The following MARCO variants were observed in gnomAD, a reference collection of about 807,000 sequenced individuals.
MARCO encodes macrophage receptor with collagenous structure.
A neutral mutation model predicts 70.0 loss-of-function variants in MARCO; 72 were observed. The ratio of observed to expected loss-of-function variants is 1.03; its 90% CI spans 0.85 to 1.25. MARCO has a LOEUF of 1.25. Ranked by LOEUF, MARCO falls within the 50% of genes most tolerant of loss-of-function variation. MARCO has a pLI of 0.00. For synonymous variants in MARCO, 273 were observed against 243.1 expected, an observed-to-expected ratio of 1.12 and a Z score of -1.14; for missense variants, 696 against 659.3, an observed-to-expected ratio of 1.06 and a Z score of -0.61.
chr2:118,945,404 C>CTTTTTTT (rs55684033), intron 1 of MARCO, among the ~76,000 whole-genome samples: 72 of 123,028 alleles, frequency 5.9e-4, no homozygotes, highest in Non-Finnish European at 8.0e-4. Context: ...CCTCTTGTTT[C>CTTTTTTT]TTTTTTTTTT....
intron 6 of MARCO, among the ~76,000 whole-genome samples, chr2:118,976,780 C>T (rs1253072154): frequency 2.6e-5 from 4 of 152,208 alleles, no homozygotes; most frequent in African/African-American, 4.8e-5. Context: ...ACAATTCAAA[C>T]ACACTTGCCT....
At chr2:118,973,540 C>A (rs1680215865) in intron 4 of MARCO, among the ~76,000 whole-genome samples, 1 of 152,336 alleles carries the variant, frequency 6.6e-6, no homozygotes, top group Admixed American at 6.5e-5. Flanking sequence ...CACCCTTTCC[C>A]ACCCAGGGAG....
rs771489689 is a variant in MARCO at position 118,982,332 on chromosome 2, G to T, written c.1001-16G>T. 1.2e-6 allele frequency: 2 copies of T among 1,613,742 alleles called. No individual in the cohort carries two copies. Among genetic ancestry groups the T allele is most frequent in the Non-Finnish European group, 1.7e-6 (2 of 1,179,744 alleles). On this transcript the variant is annotated splice_polypyrimidine_tract_variant and intron_variant, in intron 11 of 16. Transcript: ENST00000327097. ...CTAGTCCAGCCCTTATGCTCTCTGTGGTGTCTGTTGTCCAGGACTTCCAGG... is the reference window on the plus strand; with the variant it reads ...CTAGTCCAGCCCTTATGCTCTCTGTTGTGTCTGTTGTCCAGGACTTCCAGG...
intron 12 of MARCO, 85 bp downstream of exon 12, chr2:118,982,495 C>T (rs756928078): frequency 2.2e-5 from 29 of 1,305,230 alleles, no homozygotes; most frequent in Admixed American, 3.4e-5. Flanking sequence ...CTTAGGCCCA[C>T]GGAGGAGGCA....
At chr2:118,943,217 A>G (rs2104538791) in intron 1 of MARCO, among the ~76,000 whole-genome samples, 1 of 152,330 alleles carries the variant, frequency 6.6e-6, no homozygotes, top group South Asian at 2.1e-4. Flanking sequence ...CTGTCTGCCC[A>G]GGTCCCTGCC....
At chr2:118,985,360 TCACCAAGC>T (rs1680465287) in intron 12 of MARCO, among the ~76,000 whole-genome samples, 1 of 152,064 alleles carries the variant, frequency 6.6e-6, no homozygotes, top group African/African-American at 2.4e-5. Context: ...CCTGGCTTGG[TCACCAAGC>T]CTTTCTACCT....
chr2:118,946,952 T>G (rs909459788), intron 1 of MARCO, among the ~76,000 whole-genome samples: 4 of 152,250 alleles, frequency 2.6e-5, no homozygotes, highest in African/African-American at 9.6e-5. Flanking sequence ...AAATACCATA[T>G]GTATAGCCTC....
At position 118,969,217 on chromosome 2, in the gene MARCO, A is replaced by T. The variant is rs1464129005; in HGVS notation, c.155A>T (p.Tyr52Phe). The T allele has an allele frequency of 6.2e-7, 1 of 1,614,222 alleles. No homozygotes were observed. The highest frequency in any genetic ancestry group is 8.5e-7 in the Non-Finnish European group (1 of 1,180,040). Residue 52 changes from tyrosine (Y) to phenylalanine (F), a missense_variant, in exon 2 of 17, where the codon TAC (tyrosine) becomes TTC (phenylalanine). By Grantham distance (22) the Tyr-to-Phe change is conservative. Around this residue, in one of 3 missense-constraint regions of MARCO, gnomAD observed 605 missense variants for 537.6 expected, o/e 1.13. Transcript: ENST00000327097. ...TTCTCCCTAGCTGTGGTGGTCATCTACCTGATCCTGCTCACCGCTGGCGCT... is the reference window on the plus strand; with the variant it reads ...TTCTCCCTAGCTGTGGTGGTCATCTTCCTGATCCTGCTCACCGCTGGCGCT... ...VNFSLAVVVI[Y>F]LILLTAGAGL...
intron 3 of MARCO, among the ~76,000 whole-genome samples, chr2:118,970,601 G>A (rs894029465): frequency 2.0e-5 from 3 of 152,134 alleles, no homozygotes; most frequent in African/African-American, 7.2e-5. Context: ...CATGAGGTTG[G>A]GGAGAGAGCA....
At chr2:118,989,077 A>G (rs900912717) in intron 12 of MARCO, among the ~76,000 whole-genome samples, 1 of 152,256 alleles carries the variant, frequency 6.6e-6, no homozygotes, top group African/African-American at 2.4e-5. Context: ...CCGGGCTGTC[A>G]GACTTTGGAA....
intron 4 of MARCO, among the ~76,000 whole-genome samples, chr2:118,973,836 C>G (rs971642106): frequency 6.6e-6 from 1 of 152,318 alleles, no homozygotes; most frequent in East Asian, 1.9e-4. Flanking sequence ...TCCTGGACTT[C>G]TTTCCTTCCT....
intron 15 of MARCO, chr2:118,992,878 A>T: frequency 4.1e-6 from 2 of 486,806 alleles, no homozygotes; most frequent in South Asian, 8.1e-5. Flanking sequence ...GGTGTATGCG[A>T]TTTGCAAACC....
intron 1 of MARCO, among the ~76,000 whole-genome samples, chr2:118,954,253 C>G (rs1253107214): frequency 2.0e-5 from 3 of 152,146 alleles, no homozygotes; most frequent in Non-Finnish European, 1.5e-5. Context: ...AAGACTGGCC[C>G]TTTGGTTTGT....
chr2:118,979,112 C>CA (rs1176108275), intron 8 of MARCO, among the ~76,000 whole-genome samples: 1 of 152,072 alleles, frequency 6.6e-6, no homozygotes, highest in African/African-American at 2.4e-5. Flanking sequence ...GAATTCCTTA[C>CA]AAAAAAACTG....
chr2:118,982,311 T>C (rs781276459), intron 11 of MARCO, 37 bp from the exon 12 acceptor site: 1 of 1,613,010 alleles, frequency 6.2e-7, no homozygotes, highest in Admixed American at 1.7e-5. Context: ...ACCTGCCTAG[T>C]CCAGCCCTTA....
chr2:118,946,821 A>G (rs1679610054), intron 1 of MARCO, among the ~76,000 whole-genome samples: 1 of 152,222 alleles, frequency 6.6e-6, no homozygotes, highest in African/African-American at 2.4e-5. Flanking sequence ...CCTCGTCAAC[A>G]TTTGACATTA....
intron 1 of MARCO, among the ~76,000 whole-genome samples, chr2:118,966,805 A>G (rs1008232829): frequency 1.3e-5 from 2 of 152,184 alleles, no homozygotes; most frequent in African/African-American, 2.4e-5. Flanking sequence ...GTGCTGTCCA[A>G]AAACAGTGCT....
chr2:118,983,133 G>A (rs927065897), intron 12 of MARCO, among the ~76,000 whole-genome samples: 1 of 151,970 alleles, frequency 6.6e-6, no homozygotes, highest in Non-Finnish European at 1.5e-5. Context: ...GGGCATTTCT[G>A]TGGAGAACTG....
chr2:118,975,156 C>T (rs757468230), intron 6 of MARCO, among the ~76,000 whole-genome samples: 4 of 152,092 alleles, frequency 2.6e-5, no homozygotes, highest in East Asian at 1.9e-4. Flanking sequence ...AATGGGTTCA[C>T]GGGGCCCGGT....
Sources: allele counts gnomAD v4.1 joint callset (sites outside exome capture counted in the v4.1 genomes callset), GRCh38; gene constraint gnomAD v4.1.1; regional missense constraint gnomAD v4.1.1; transcripts MANE v1.5; gene names NCBI Gene and HGNC (gene_info 2026-07-23, HGNC 2026-07-21).